Variants in PDE1C observed in about 807,000 individuals in gnomAD.
PDE1C encodes the protein dual specificity calcium/calmodulin-dependent 3',5'-cyclic nucleotide phosphodiesterase 1C.
PDE1C carries 62 observed loss-of-function variants against 93.1 expected under a neutral mutation model. The observed-to-expected ratio is 0.67, with a 90% CI of 0.54 to 0.82. The LOEUF is 0.82. Among genes scored for constraint, PDE1C ranks in the 40% least tolerant of loss-of-function variants. The pLI is 0.00. For synonymous variants in PDE1C, 325 were observed against 310.1 expected (o/e 1.05, Z -0.50); for missense variants, 742 against 884.6 (o/e 0.84, Z 2.04).
At chr7:32,056,307 A>T (rs1189770097) in intron 1 of PDE1C, among the ~76,000 whole-genome samples, 4 of 131,174 alleles carry the variant, frequency 3.0e-5, no homozygotes, top group East Asian at 2.5e-4. Flanking sequence ...TGTTCCCTGG[A>T]ATGGGTCCAC....
the PDE1C span, among the ~76,000 whole-genome samples, chr7:31,705,350 G>A: frequency 6.6e-6 from 1 of 152,152 alleles, no homozygotes; most frequent in Non-Finnish European, 1.5e-5. Context: ...GAGATATCAA[G>A]CAAGGATGGA....
At chr7:32,347,811 T>G (rs1218167685) in intron 1 of PDE1C, among the ~76,000 whole-genome samples, 2 of 152,230 alleles carry the variant, frequency 1.3e-5, no homozygotes, top group Non-Finnish European at 2.9e-5. Context: ...AAGCAGATTC[T>G]TCTCCAGATA....
At chr7:32,075,858 T>C (rs143007972), upstream of PDE1C, among the ~76,000 whole-genome samples, 50 of 152,246 alleles carry the variant, frequency 3.3e-4, no homozygotes, top group African/African-American at 1.2e-3. Flanking sequence ...ATCCTTCCGA[T>C]AGAGGTGGCA....
chr7:32,243,298 G>A (rs1039745699), intron 1 of PDE1C, among the ~76,000 whole-genome samples: 13 of 152,164 alleles, frequency 8.5e-5, no homozygotes, highest in African/African-American at 2.4e-4. Flanking sequence ...TCCTGGGCTG[G>A]TGCTCATACT....
chr7:32,297,982 TC>T lies in PDE1C; in HGVS notation c.85+668del, dbSNP rs1230359893. The stretch of plus-strand genomic sequence containing the variant: ...CTCTCTCTCTCTCTCTCTCTCTCTC[TC>T]TCTCTCTCTCTCTCCTCTCTCTCTC... On this transcript the variant is annotated intron_variant, in intron 1 of 18. Transcript: ENST00000396193. 1.4e-3 allele frequency among the ~76,000 whole-genome samples: 106 copies of T among 74,752 alleles called. 1 individual carries two copies. The highest frequency in any genetic ancestry group is 7.6e-3 in the Middle Eastern group (1 of 132). 49.0% of individuals were successfully genotyped at this position (74,752 alleles called of 152,430 possible).
At chr7:31,829,479 A>G (rs2128749559) in intron 11 of PDE1C, among the ~76,000 whole-genome samples, 1 of 152,322 alleles carries the variant, frequency 6.6e-6, no homozygotes, top group East Asian at 1.9e-4. Context: ...AATAAAGGGT[A>G]GTAACAACCT....
intron 16 of PDE1C, among the ~76,000 whole-genome samples, chr7:31,796,538 GCTAA>G: frequency 6.6e-6 from 1 of 151,646 alleles, no homozygotes; most frequent in East Asian, 1.9e-4. Context: ...TACCAAAAGC[GCTAA>G]CTGTTCTGAT....
the PDE1C span, among the ~76,000 whole-genome samples, chr7:31,625,043 C>G: frequency 0.12 from 18,226 of 152,178 alleles, 1,237 homozygotes; most frequent in Middle Eastern, 0.17. Flanking sequence ...CACTGGCCAT[C>G]AGAGAAATGC....
chr7:32,287,819 T>G (rs534535557), intron 1 of PDE1C, among the ~76,000 whole-genome samples: 40 of 152,328 alleles, frequency 2.6e-4, no homozygotes, highest in Non-Finnish European at 3.2e-4. Flanking sequence ...CTTTAAATAC[T>G]AATTAGATGA....
chr7:32,040,606 C>T (rs915069577), intron 2 of PDE1C, among the ~76,000 whole-genome samples: 2 of 152,176 alleles, frequency 1.3e-5, no homozygotes, highest in African/African-American at 4.8e-5. Flanking sequence ...GGCATTCTGA[C>T]ACAAGAATGT....
chr7:31,664,477 A>C, the PDE1C span, among the ~76,000 whole-genome samples: 2 of 152,182 alleles, frequency 1.3e-5, no homozygotes, highest in Non-Finnish European at 2.9e-5. Flanking sequence ...GTCAGAACAA[A>C]ATAGAACATA....
chr7:31,860,725 A>C (rs1051619726), intron 7 of PDE1C, among the ~76,000 whole-genome samples: 4 of 152,188 alleles, frequency 2.6e-5, no homozygotes, highest in Non-Finnish European at 4.4e-5. Context: ...AAATTAATCA[A>C]TATTTTGTTG....
At chr7:31,961,748 A>G (rs995114237) in intron 2 of PDE1C, among the ~76,000 whole-genome samples, 1 of 152,192 alleles carries the variant, frequency 6.6e-6, no homozygotes, top group Non-Finnish European at 1.5e-5. Context: ...ATTGTGTTAC[A>G]TGAACATACA....
intron 2 of PDE1C, among the ~76,000 whole-genome samples, chr7:32,020,057 T>C (rs1788437108): frequency 6.6e-6 from 1 of 152,096 alleles, no homozygotes; most frequent in Non-Finnish European, 1.5e-5. Flanking sequence ...GCAGACCCTA[T>C]GGAACATGGG....
At chr7:31,793,106 G>A (rs998386394) in intron 16 of PDE1C, among the ~76,000 whole-genome samples, 14 of 151,934 alleles carry the variant, frequency 9.2e-5, no homozygotes, top group Non-Finnish European at 1.0e-4. Context: ...AATGGGAGAC[G>A]GACTTAAAAC....
intron 2 of PDE1C, among the ~76,000 whole-genome samples, chr7:32,005,040 A>G (rs908881963): frequency 6.6e-5 from 10 of 152,150 alleles, no homozygotes; most frequent in Admixed American, 3.3e-4. Flanking sequence ...CTTGGACTCA[A>G]AGTGCATATC....
Position 32,274,372 on chromosome 7 carries a change from C to CTTTT in PDE1C, c.85+24275_85+24278dup, listed in dbSNP as rs35725532. Among the ~76,000 whole-genome samples, 14 of 132,658 alleles carry CTTTT rather than the reference C, an allele frequency of 1.1e-4. 2 individuals are homozygous for CTTTT. Among genetic ancestry groups the CTTTT allele is most frequent in the African/African-American group, 2.0e-4 (7 of 35,190 alleles). The allele number at this position is 132,658 out of a possible 152,430, so 87.0% of individuals were successfully genotyped here. A position where few individuals can be genotyped will look rare whatever the true frequency, so the allele number is the denominator to read the frequency against. ...ACAGGTGTGCACCAGCATGTCTGGCCTTTTTTTTTTTTTTTCTTAAGAAAT... is the reference window on the plus strand; with the variant it reads ...ACAGGTGTGCACCAGCATGTCTGGCCTTTTTTTTTTTTTTTTTTTCTTAAGAAAT... On this transcript the variant is annotated intron_variant, in intron 1 of 18. Transcript: ENST00000396193.
intron 8 of PDE1C, 113 bp downstream of exon 8, chr7:31,850,528 G>T: frequency 1.4e-6 from 1 of 733,700 alleles, no homozygotes; most frequent in East Asian, 2.5e-5. Flanking sequence ...CATTGTTTCA[G>T]AAATTCAAAA....
chr7:31,765,676 G>A (rs1300079287), intron 17 of PDE1C, among the ~76,000 whole-genome samples: 1 of 152,198 alleles, frequency 6.6e-6, no homozygotes, highest in Non-Finnish European at 1.5e-5. Flanking sequence ...AGTGACAACT[G>A]CCATCCTTCA....
Sources: allele counts gnomAD v4.1 joint callset (sites outside exome capture counted in the v4.1 genomes callset), GRCh38; gene constraint gnomAD v4.1.1; transcripts MANE v1.5; gene names NCBI Gene and HGNC (gene_info 2026-07-23, HGNC 2026-07-21).